Variants in LPAR1 observed in about 807,000 individuals in gnomAD.
The protein encoded by LPAR1 is LPA receptor 1.
A neutral mutation model predicts 23.8 loss-of-function variants in LPAR1; 5 were observed. The ratio of observed to expected loss-of-function variants is 0.21; its 90% CI spans 0.11 to 0.44. LPAR1 has a LOEUF of 0.44. Among genes scored for constraint, LPAR1 ranks in the 20% least tolerant of loss-of-function variants. LPAR1 has a pLI of 0.99. For missense variants in LPAR1, 311 were observed against 482.8 expected (o/e 0.64, Z 3.33); for synonymous variants, 160 against 164.7 (o/e 0.97, Z 0.22).
chr9:110,902,003 C>T (rs1442145554), intron 5 of LPAR1, among the ~76,000 whole-genome samples: 1 of 151,828 alleles, frequency 6.6e-6, no homozygotes, highest in African/African-American at 2.4e-5. Context: ...AAATATAAAC[C>T]CTAGAAAAAA....
intron 5 of LPAR1, among the ~76,000 whole-genome samples, chr9:110,934,707 C>T (rs1020963620): frequency 4.6e-5 from 7 of 151,884 alleles, no homozygotes; most frequent in Admixed American, 1.3e-4. Flanking sequence ...CCTTATCATA[C>T]GGAAAAAATT....
intron 5 of LPAR1, among the ~76,000 whole-genome samples, chr9:110,933,088 C>T (rs969122221): frequency 4.6e-5 from 7 of 152,164 alleles, no homozygotes; most frequent in African/African-American, 1.7e-4. Context: ...GTGATGCTAA[C>T]AGGATTTTTC....
intron 5 of LPAR1, among the ~76,000 whole-genome samples, chr9:110,893,357 A>C (rs2085162851): frequency 6.6e-6 from 1 of 152,234 alleles, no homozygotes; most frequent in Non-Finnish European, 1.5e-5. Context: ...ATCCACTGAT[A>C]GTATACATAA....
intron 5 of LPAR1, among the ~76,000 whole-genome samples, chr9:110,896,787 C>CT (rs3030133): frequency 0.23 from 29,531 of 126,292 alleles, 4,726 homozygotes; most frequent in African/African-American, 0.44. Flanking sequence ...TTAGTGAAAT[C>CT]TTTTTTTTTT....
intron 5 of LPAR1, among the ~76,000 whole-genome samples, chr9:110,897,624 A>G (rs1226966477): frequency 6.6e-6 from 1 of 152,224 alleles, no homozygotes; most frequent in African/African-American, 2.4e-5. Context: ...TTCCTCTTCC[A>G]TAAGTTAGAG....
At chr9:111,030,521 C>G (rs1290705943) in intron 2 of LPAR1, among the ~76,000 whole-genome samples, 1 of 152,172 alleles carries the variant, frequency 6.6e-6, no homozygotes, top group African/African-American at 2.4e-5. Context: ...TTCTCTGCTC[C>G]AGAAGTGGTT....
chr9:110,998,289 T>C (rs2097058599), intron 2 of LPAR1, among the ~76,000 whole-genome samples: 1 of 152,204 alleles, frequency 6.6e-6, no homozygotes, highest in South Asian at 2.1e-4. Flanking sequence ...TAGAAAAAGT[T>C]TTAAGTGCTT....
intron 5 of LPAR1, among the ~76,000 whole-genome samples, chr9:110,896,701 C>T (rs750466312): frequency 5.9e-5 from 9 of 151,776 alleles, no homozygotes; most frequent in Non-Finnish European, 1.0e-4. Flanking sequence ...TTGTAATAAA[C>T]ACATAATACA....
At chr9:110,995,007 A>G (rs2096968227) in intron 2 of LPAR1, among the ~76,000 whole-genome samples, 1 of 152,218 alleles carries the variant, frequency 6.6e-6, no homozygotes, top group African/African-American at 2.4e-5. Context: ...TCATAGTATT[A>G]GAAAGACACA....
intron 2 of LPAR1, among the ~76,000 whole-genome samples, chr9:110,998,632 C>T (rs1349425518): frequency 1.3e-5 from 2 of 152,192 alleles, no homozygotes; most frequent in Admixed American, 1.3e-4. Context: ...ATTGTACCTT[C>T]ACATTATATG....
chr9:110,959,964 T>C (rs2095900087), intron 4 of LPAR1, among the ~76,000 whole-genome samples: 1 of 152,016 alleles, frequency 6.6e-6, no homozygotes, highest in Admixed American at 6.5e-5. Flanking sequence ...ATCTCATGTA[T>C]AGTGAATAGA....
intron 4 of LPAR1, among the ~76,000 whole-genome samples, chr9:110,947,679 AC>A (rs2095430173): frequency 6.6e-6 from 1 of 152,230 alleles, no homozygotes; most frequent in South Asian, 2.1e-4. Context: ...TAGGAGTACG[AC>A]TGATGCACCC....
intron 2 of LPAR1, among the ~76,000 whole-genome samples, chr9:110,980,185 T>C (rs1703514892): frequency 6.6e-6 from 1 of 152,114 alleles, no homozygotes; most frequent in Non-Finnish European, 1.5e-5. Flanking sequence ...TTGCACATGG[T>C]ACATCTATAA....
chr9:111,000,518 G>A (rs1484950954), intron 2 of LPAR1, among the ~76,000 whole-genome samples: 3 of 152,162 alleles, frequency 2.0e-5, no homozygotes, highest in African/African-American at 7.2e-5. Flanking sequence ...TTGCACAAAG[G>A]CATCAGGCTA....
intron 2 of LPAR1, among the ~76,000 whole-genome samples, chr9:110,997,590 CA>C (rs2097040935): frequency 6.6e-6 from 1 of 152,096 alleles, no homozygotes; most frequent in African/African-American, 2.4e-5. Flanking sequence ...AACTTAAACA[CA>C]AAACAAAACC....
chr9:110,968,295 T>C (rs1243628073), intron 4 of LPAR1, among the ~76,000 whole-genome samples: 2 of 152,176 alleles, frequency 1.3e-5, no homozygotes, highest in Non-Finnish European at 2.9e-5. Flanking sequence ...GTCAATTGGC[T>C]CGCGAAATTC....
At chr9:110,892,767 G>GGGAAGGAAGGAAGGAAGGAA (rs757546909) in intron 5 of LPAR1, among the ~76,000 whole-genome samples, 1 of 97,358 alleles carries the variant, frequency 1.0e-5, no homozygotes. Context: ...AGGGGAGGAA[G>GGGAAGGAAGGAAGGAAGGAA]GGAAGGAAGG....
intron 2 of LPAR1, among the ~76,000 whole-genome samples, chr9:111,011,554 G>A (rs901364404): frequency 1.1e-4 from 16 of 152,132 alleles, no homozygotes; most frequent in Admixed American, 1.3e-4. Flanking sequence ...TTACCTGGCC[G>A]ATGAAGATAG....
chr9:110,987,363 T>C (rs2096804461), intron 2 of LPAR1, among the ~76,000 whole-genome samples: 1 of 150,326 alleles, frequency 6.7e-6, no homozygotes, highest in African/African-American at 2.4e-5. Flanking sequence ...AATACATATG[T>C]TTATATAATA....
Sources: allele counts gnomAD v4.1 joint callset (sites outside exome capture counted in the v4.1 genomes callset), GRCh38; gene constraint gnomAD v4.1.1; transcripts MANE v1.5; gene names NCBI Gene and HGNC (gene_info 2026-07-23, HGNC 2026-07-21).